Variants in SFXN4 observed in about 807,000 individuals in gnomAD.
SFXN4 encodes the protein sideroflexin-4.
SFXN4 carries 48 observed loss-of-function variants against 54.6 expected under a neutral mutation model. The observed-to-expected ratio is 0.88, with a 90% CI of 0.70 to 1.12. The LOEUF is 1.12. Among genes scored for constraint, SFXN4 ranks in the 50% most tolerant of loss-of-function variants. The pLI is 0.00. For synonymous variants in SFXN4, 130 were observed against 145.5 expected (o/e 0.89, Z 0.77); for missense variants, 383 against 409.2 (o/e 0.94, Z 0.55).
chr10:119,154,189 A>G (rs1847185967), intron 11 of SFXN4, among the ~76,000 whole-genome samples: 1 of 151,952 alleles, frequency 6.6e-6, no homozygotes, highest in South Asian at 2.1e-4. Context: ...AAAAAAAAAA[A>G]AAAGAAAAGA....
In SFXN4 at chr10:119,162,371, T is replaced by C. The variant is rs558155035; in HGVS notation, c.221A>G (p.Asp74Gly). ...GTCCGCCGAGGCAGGGCTGGAAACA[T>C]CTTCATTTGTGCACAATAGTTGCCT... ...NSRQLLCTNE[D>G]VSSPASADQR... Residue 74 changes from aspartate (D) to glycine (G), a missense_variant, in exon 3 of 14, where the codon GAT (aspartate) becomes GGT (glycine). Asp to Gly is a moderately conservative substitution (Grantham distance 94). Transcript: ENST00000355697. 4 of 1,614,022 alleles carry C rather than the reference T, an allele frequency of 2.5e-6. No homozygotes were observed. In the South Asian group the frequency reaches 3.3e-5, roughly 13 times the overall value.
In SFXN4 at chr10:119,147,857, C is replaced by G; in HGVS notation, c.736G>C (p.Val246Leu). The stretch of plus-strand genomic sequence containing the variant: ...ATTCTGGATGCTAGCGTTTCTCTAA[C>G]AGCCTAGCAAAAATGAAAAGAAAAC... The part of the protein sequence containing the change: ...GHSRIAGTKA[V>L]RETLASRIVL... The change falls in exon 12 of 14, where the codon GTT (valine) becomes CTT (leucine). Residue 246 changes from valine to leucine, a missense_variant. Val to Leu is a conservative substitution (Grantham distance 32). Coordinates refer to ENST00000355697, the MANE Select transcript of SFXN4 (RefSeq NM_213649.2). 1 of 1,613,812 alleles carries G rather than the reference C, an allele frequency of 6.2e-7. No homozygotes were observed. The highest frequency in any genetic ancestry group is 1.7e-5 in the Admixed American group (1 of 60,004).
intron 6 of SFXN4, among the ~76,000 whole-genome samples, chr10:119,159,315 C>T (rs1847418303): frequency 4.6e-5 from 7 of 152,062 alleles, no homozygotes; most frequent in Admixed American, 4.6e-4. Flanking sequence ...CAAAAAGCAC[C>T]TCCCAAGGGC....
rs752903887 is a variant in SFXN4 at position 119,159,711 on chromosome 10, A to C, written c.360+17T>G. ...CCAAGCCCCTAGTCTCCTAACGGCAAATGTCTGCTTGCTCACCGTGGGTGC... is the reference window on the plus strand; with the variant it reads ...CCAAGCCCCTAGTCTCCTAACGGCACATGTCTGCTTGCTCACCGTGGGTGC... On this transcript the variant is annotated intron_variant, in intron 6 of 13. Coordinates refer to ENST00000355697, the MANE Select transcript of SFXN4 (RefSeq NM_213649.2). 4 of 1,613,874 alleles carry C rather than the reference A, an allele frequency of 2.5e-6. No individual in the cohort carries two copies. The highest frequency in any genetic ancestry group is 1.7e-5 in the Admixed American group (1 of 59,994).
At chr10:119,154,585 A>T (rs1402777751) in intron 11 of SFXN4, among the ~76,000 whole-genome samples, 1 of 152,156 alleles carries the variant, frequency 6.6e-6, no homozygotes. Flanking sequence ...TAATCCTAGC[A>T]CTTTGGGAGA....
At chr10:119,157,775 T>A (rs1847331947) in intron 8 of SFXN4, 42 bp from the exon 9 acceptor site, 1 of 1,604,596 alleles carries the variant, frequency 6.2e-7, no homozygotes, top group Non-Finnish European at 8.5e-7. Flanking sequence ...ATATCACAGT[T>A]TTATCCAGCA....
chr10:119,145,455 C>T (rs1242425478), intron 13 of SFXN4, among the ~76,000 whole-genome samples: 5 of 151,760 alleles, frequency 3.3e-5, no homozygotes, highest in African/African-American at 1.2e-4. Flanking sequence ...GCTGAGATTA[C>T]AGCTACCGTG....
chr10:119,162,074 T>A (rs1333300850), intron 3 of SFXN4: 6 of 467,314 alleles, frequency 1.3e-5, no homozygotes, highest in Non-Finnish European at 2.3e-5. Flanking sequence ...AAATATCCAC[T>A]GTGTAGGAGG....
At chr10:119,145,183 C>T (rs1846735668) in intron 13 of SFXN4, among the ~76,000 whole-genome samples, 1 of 152,142 alleles carries the variant, frequency 6.6e-6, no homozygotes, top group Admixed American at 6.6e-5. Flanking sequence ...CCTGAGACAG[C>T]AAGACCAATC....
intron 11 of SFXN4, among the ~76,000 whole-genome samples, chr10:119,148,947 C>A (rs538866297): frequency 6.6e-6 from 1 of 152,170 alleles, no homozygotes; most frequent in East Asian, 1.9e-4. Flanking sequence ...AGTACAGTAG[C>A]GTGATCACGG....
Position 119,146,464 on chromosome 10 carries a change from C to CGT in SFXN4, c.819-113_819-112dup, listed in dbSNP as rs33947324. On this transcript the variant is annotated intron_variant, in intron 12 of 13. Coordinates refer to ENST00000355697, the MANE Select transcript of SFXN4 (RefSeq NM_213649.2). ...GTGTGTGTGTGTGTGTGTGTGTGCA[C>CGT]GTGTGTGTGTACCTGAACACCTGGA... 0.53 allele frequency: 256,165 copies of CGT among 487,168 alleles called. 61,848 individuals are homozygous for CGT. Among genetic ancestry groups the CGT allele is most frequent in the East Asian group, 0.72 (21,171 of 29,380 alleles). The allele number at this position is 487,168 out of a possible 1,614,324, so 30.2% of individuals were successfully genotyped here.
At chr10:119,148,885 C>A (rs1846932827) in intron 11 of SFXN4, among the ~76,000 whole-genome samples, 1 of 151,904 alleles carries the variant, frequency 6.6e-6, no homozygotes, top group African/African-American at 2.4e-5. Flanking sequence ...TTACTACTTT[C>A]ATTTATTTAT....
Position 119,144,523 on chromosome 10 carries a change from G to A in SFXN4, c.936+1713C>T, listed in dbSNP as rs530096706. 2.4e-3 allele frequency among the ~76,000 whole-genome samples: 360 copies of A among 151,926 alleles called. 1 individual carries two copies. Among genetic ancestry groups the A allele is most frequent in the Non-Finnish European group, 3.9e-3 (264 of 67,994 alleles). ...CTTTGACATCTGCTAGCAATTTATG[G>A]CAGAGCTTTGGAAATTAAAAAAATT... On this transcript the variant is annotated intron_variant, in intron 13 of 13. Transcript: ENST00000355697.
At chr10:119,162,217 G>T in intron 3 of SFXN4, 123 bp downstream of exon 3, 1 of 749,312 alleles carries the variant, frequency 1.3e-6, no homozygotes, top group Non-Finnish European at 2.3e-6. Context: ...GGCTCCCAAG[G>T]GAAGGAAAAA....
In SFXN4 at chr10:119,140,890, T is replaced by G. The variant is rs1352159545; in HGVS notation, c.*352A>C. Reference sequence around the variant, plus strand: ...ACGGCCTATCCATTTAACACCTGTGTCCTGGGCACGGTGGACTCTGTGTTC... The same window carrying G: ...ACGGCCTATCCATTTAACACCTGTGGCCTGGGCACGGTGGACTCTGTGTTC... On this transcript the variant is annotated 3_prime_UTR_variant, in exon 14 of 14. Transcript: ENST00000355697. 1 of 197,736 alleles carries G rather than the reference T, an allele frequency of 5.1e-6. No individual in the cohort carries two copies. The highest frequency in any genetic ancestry group is 1.0e-5 in the Non-Finnish European group (1 of 97,106). 12.2% of individuals were successfully genotyped at this position (197,736 alleles called of 1,614,324 possible). A position where few individuals can be genotyped will look rare whatever the true frequency, so the allele number is the denominator to read the frequency against.
At chr10:119,157,483 T>C (rs538513843) in intron 9 of SFXN4, among the ~76,000 whole-genome samples, 185 bp downstream of exon 9, 1 of 151,856 alleles carries the variant, frequency 6.6e-6, no homozygotes, top group South Asian at 2.1e-4. Flanking sequence ...CAGTACCATG[T>C]ATATGCTTAG....
At chr10:119,163,422 G>A (rs1030139623) in intron 2 of SFXN4, among the ~76,000 whole-genome samples, 1 of 151,964 alleles carries the variant, frequency 6.6e-6, no homozygotes, top group African/African-American at 2.4e-5. Context: ...GGAAGGGGAT[G>A]GAGTTTCGCT....
In SFXN4 at chr10:119,147,790, G is replaced by A. The variant is rs1369076080; in HGVS notation, c.803C>T (p.Thr268Ile). ...GTSALIPEVF[T>I]YFFKRTQYFR... is the part of the protein sequence containing the mutation. ...TGTCTCTTACCTTTTAAAAAAGTAGGTGAAGACTTCAGGAATCAGAGCTGA... is the reference window on the plus strand; with the variant it reads ...TGTCTCTTACCTTTTAAAAAAGTAGATGAAGACTTCAGGAATCAGAGCTGA... The change falls in exon 12 of 14, where the codon ACC becomes ATC. Residue 268 changes from threonine to isoleucine, a missense_variant. Transcript: ENST00000355697. 4 of 1,613,964 alleles carry A rather than the reference G, an allele frequency of 2.5e-6. No homozygotes were observed. Among genetic ancestry groups the A allele is most frequent in the Non-Finnish European group, 3.4e-6 (4 of 1,179,848 alleles).
intron 13 of SFXN4, among the ~76,000 whole-genome samples, chr10:119,144,443 C>T (rs552416973): frequency 9.9e-5 from 15 of 151,242 alleles, no homozygotes; most frequent in Non-Finnish European, 1.9e-4. Flanking sequence ...GGTGACAGAA[C>T]GAGACTCCGT....
Sources: allele counts gnomAD v4.1 joint callset (sites outside exome capture counted in the v4.1 genomes callset), GRCh38; gene constraint gnomAD v4.1.1; transcripts MANE v1.5; gene names NCBI Gene and HGNC (gene_info 2026-07-23, HGNC 2026-07-21).